ITPKB: variants seen among roughly 807,000 people sequenced by gnomAD.
ITPKB encodes the protein inositol-trisphosphate 3-kinase B.
A neutral mutation model predicts 69.4 loss-of-function variants in ITPKB; 13 were observed. The observed-to-expected ratio is 0.19, with a 90% CI of 0.12 to 0.30. ITPKB has a LOEUF of 0.30. Among genes scored for constraint, ITPKB ranks in the 10% least tolerant of loss-of-function variants. ITPKB has a pLI of 1.00. For synonymous variants in ITPKB, 584 were observed against 513.7 expected, an observed-to-expected ratio of 1.14 and a Z score of -1.85; for missense variants, 1,240 against 1,250.5, an observed-to-expected ratio of 0.99 and a Z score of 0.13.
chr1:226,688,981 A>G (rs1475887905), intron 2 of ITPKB, among the ~76,000 whole-genome samples: 1 of 152,172 alleles, frequency 6.6e-6, no homozygotes, highest in Non-Finnish European at 1.5e-5. Flanking sequence ...GCTTGGGAGC[A>G]AGTTTGCTCT....
At chr1:226,709,799 G>A (rs531193240) in intron 2 of ITPKB, among the ~76,000 whole-genome samples, 10 of 152,292 alleles carry the variant, frequency 6.6e-5, no homozygotes, top group African/African-American at 1.2e-4. Flanking sequence ...CATGTCTTAC[G>A]GCATGATACT....
chr1:226,691,011 T>C (rs866642772), intron 2 of ITPKB, among the ~76,000 whole-genome samples: 2 of 151,924 alleles, frequency 1.3e-5, no homozygotes, highest in Non-Finnish European at 2.9e-5. Context: ...GTACCGAAAA[T>C]AGGCAAATTC....
chr1:226,639,864 C>T lies in ITPKB; in HGVS notation c.2452-206G>A, dbSNP rs543039424. ...TGCCCTGTGCCCAGACACAGGAGAACGCAGAGGGTGGCGCTGACATCCCCA... is the reference window on the plus strand; with the variant it reads ...TGCCCTGTGCCCAGACACAGGAGAATGCAGAGGGTGGCGCTGACATCCCCA... On this transcript the variant is annotated intron_variant, in intron 5 of 7. Coordinates refer to ENST00000429204, the MANE Select transcript of ITPKB (RefSeq NM_002221.4). Among the ~76,000 whole-genome samples, 5 of 152,300 alleles carry T rather than the reference C, an allele frequency of 3.3e-5. No homozygotes were observed. In the East Asian group the frequency reaches 5.8e-4, roughly 18 times the overall value.
rs189973889 is a variant in ITPKB, at chr1:226,731,973, C to A, written c.1932+3554G>T. ...GGCTTTTAAATTTTAGTTTGGTTTA[C>A]CCCAAACTAAAATTTTTACACACTT... On this transcript the variant is annotated intron_variant, in intron 2 of 7. Transcript: ENST00000429204. 2.7e-3 allele frequency among the ~76,000 whole-genome samples: 407 copies of A among 151,588 alleles called. 5 individuals carry two copies. The highest frequency in any genetic ancestry group is 5.7e-4 in the Non-Finnish European group (39 of 67,918).
chr1:226,724,896 G>C (rs549151944), intron 2 of ITPKB, among the ~76,000 whole-genome samples: 2 of 152,324 alleles, frequency 1.3e-5, no homozygotes, highest in Non-Finnish European at 2.9e-5. Flanking sequence ...TACTGGGGCA[G>C]GGGTGCCCTC....
chr1:226,734,279 AAGC>A (rs1268840453), intron 2 of ITPKB, among the ~76,000 whole-genome samples: 1 of 152,214 alleles, frequency 6.6e-6, no homozygotes, highest in Non-Finnish European at 1.5e-5. Context: ...CATCAGCAAA[AAGC>A]AGAGTTTCAT....
intron 2 of ITPKB, among the ~76,000 whole-genome samples, chr1:226,656,257 C>A (rs1212467905): frequency 6.6e-6 from 1 of 152,192 alleles, no homozygotes; most frequent in Non-Finnish European, 1.5e-5. Context: ...AGACCCCCAG[C>A]AGGTTTCCTG....
chr1:226,692,030 A>G (rs1325923528), intron 2 of ITPKB, among the ~76,000 whole-genome samples: 1 of 152,220 alleles, frequency 6.6e-6, no homozygotes, highest in Non-Finnish European at 1.5e-5. Context: ...GCCCCAGAAA[A>G]AACAAAGATA....
chr1:226,702,743 C>T (rs1394079580), intron 2 of ITPKB, among the ~76,000 whole-genome samples: 2 of 152,172 alleles, frequency 1.3e-5, no homozygotes, highest in Non-Finnish European at 2.9e-5. Context: ...AGTGGAGTCC[C>T]AACCGGGAAG....
intron 2 of ITPKB, among the ~76,000 whole-genome samples, chr1:226,703,405 G>A (rs370840861): frequency 1.3e-5 from 2 of 152,366 alleles, no homozygotes; most frequent in African/African-American, 4.8e-5. Context: ...GGCCGAGGCA[G>A]GGGCGCGGCG....
At chr1:226,710,902 G>T (rs1656931591) in intron 2 of ITPKB, among the ~76,000 whole-genome samples, 1 of 152,164 alleles carries the variant, frequency 6.6e-6, no homozygotes, top group African/African-American at 2.4e-5. Context: ...ATGCTTCATT[G>T]TCCCACTGGA....
chr1:226,679,305 A>T (rs1235135790), intron 2 of ITPKB, among the ~76,000 whole-genome samples: 1 of 152,144 alleles, frequency 6.6e-6, no homozygotes, highest in African/African-American at 2.4e-5. Flanking sequence ...CTTATTTAAA[A>T]TCTCTGACCT....
intron 2 of ITPKB, among the ~76,000 whole-genome samples, chr1:226,721,663 T>C (rs1289274): frequency 0.4 from 60,463 of 151,248 alleles, 12,344 homozygotes; most frequent in African/African-American, 0.45. Context: ...GCCTGGCTAA[T>C]ATTTTGTATT....
intron 2 of ITPKB, chr1:226,707,655 T>C: frequency 9.9e-7 from 1 of 1,009,900 alleles, no homozygotes; most frequent in Non-Finnish European, 1.2e-6. Flanking sequence ...AAGGCCATCA[T>C]CACAAGGAAA....
intron 2 of ITPKB, among the ~76,000 whole-genome samples, chr1:226,699,485 T>C (rs1656581751): frequency 6.6e-6 from 1 of 152,244 alleles, no homozygotes; most frequent in Non-Finnish European, 1.5e-5. Flanking sequence ...TGAGAAGTCA[T>C]TTAACACCTC....
At chr1:226,659,642 C>T (rs185976967) in intron 2 of ITPKB, 7 of 152,248 alleles carry the variant, frequency 4.6e-5, no homozygotes, top group African/African-American at 1.7e-4. Flanking sequence ...TGGAATCCTC[C>T]CTGAAGCTGG....
intron 2 of ITPKB, among the ~76,000 whole-genome samples, chr1:226,715,533 T>C (rs1051669309): frequency 5.9e-5 from 9 of 152,164 alleles, no homozygotes; most frequent in African/African-American, 2.2e-4. Context: ...TTTATAACAA[T>C]GATGCCATCT....
intron 2 of ITPKB, among the ~76,000 whole-genome samples, chr1:226,720,759 TGGCCGGGCGC>T (rs1016610597): frequency 2.6e-4 from 40 of 152,290 alleles, no homozygotes; most frequent in African/African-American, 9.4e-4. Context: ...AAAGAAATAT[TGGCCGGGCGC>T]GGCCGGGCGT....
chr1:226,708,187 A>G (rs1228303514), intron 2 of ITPKB, among the ~76,000 whole-genome samples: 1 of 152,276 alleles, frequency 6.6e-6, no homozygotes, highest in Non-Finnish European at 1.5e-5. Flanking sequence ...TTGGATTTAC[A>G]ACGATTGTAA....
Sources: allele counts gnomAD v4.1 joint callset (sites outside exome capture counted in the v4.1 genomes callset), GRCh38; gene constraint gnomAD v4.1.1; transcripts MANE v1.5; gene names NCBI Gene and HGNC (gene_info 2026-07-23, HGNC 2026-07-21).